The following SDK1 variants were observed in gnomAD, a reference collection of about 807,000 sequenced individuals.
SDK1 encodes sidekick cell adhesion molecule 1.
SDK1 carries 157 observed loss-of-function variants against 245.5 expected under a neutral mutation model. The ratio of observed to expected loss-of-function variants is 0.64; its 90% CI spans 0.56 to 0.73. The LOEUF is 0.73. Among genes scored for constraint, SDK1 ranks in the 30% least tolerant of loss-of-function variants. The pLI is 0.00. For missense variants in SDK1, 3,583 were observed against 3,002.3 expected (o/e 1.19, Z -4.52); for synonymous variants, 1,647 against 1,278.5 (o/e 1.29, Z -6.15).
In SDK1 at chr7:3,445,214, T is replaced by A. The variant is rs116009896; in HGVS notation, c.298+143330T>A. Reference sequence around the variant, plus strand: ...TCAAACAATATATTCTTTTAAGAATTCACATTTTAACACTTGGGTTTCAGC... The same window carrying A: ...TCAAACAATATATTCTTTTAAGAATACACATTTTAACACTTGGGTTTCAGC... On this transcript the variant is annotated intron_variant, in intron 1 of 44. Transcript: ENST00000404826. Among the ~76,000 whole-genome samples, 674 of 152,318 alleles carry A rather than the reference T, an allele frequency of 4.4e-3. 5 individuals are homozygous for A. Among genetic ancestry groups the A allele is most frequent in the African/African-American group, 0.015 (634 of 41,574 alleles).
chr7:3,537,257 G>T (rs372741561), intron 1 of SDK1, among the ~76,000 whole-genome samples: 3 of 152,142 alleles, frequency 2.0e-5, no homozygotes, highest in South Asian at 2.1e-4. Flanking sequence ...TTATCCATTT[G>T]ATCACTGCTT....
intron 5 of SDK1, among the ~76,000 whole-genome samples, chr7:3,914,296 C>T (rs1447023196): frequency 6.6e-6 from 1 of 152,162 alleles, no homozygotes; most frequent in African/African-American, 2.4e-5. Context: ...GGGTTCATGT[C>T]AAATCTTTTC....
intron 5 of SDK1, among the ~76,000 whole-genome samples, chr7:3,903,391 C>T (rs1479183983): frequency 6.6e-6 from 1 of 152,068 alleles, no homozygotes; most frequent in Non-Finnish European, 1.5e-5. Flanking sequence ...TGTGATCCGC[C>T]CACCTCGGCC....
At chr7:3,838,213 C>T (rs1329464056) in intron 5 of SDK1, among the ~76,000 whole-genome samples, 2 of 152,170 alleles carry the variant, frequency 1.3e-5, no homozygotes, top group East Asian at 1.9e-4. Flanking sequence ...CACAGCAATC[C>T]GGATTAATTC....
intron 1 of SDK1, among the ~76,000 whole-genome samples, chr7:3,421,233 A>G (rs1583832379): frequency 6.6e-6 from 1 of 151,610 alleles, no homozygotes; most frequent in East Asian, 2.0e-4. Context: ...CACCACGCCC[A>G]GCTAATTTTT....
Position 3,632,123 on chromosome 7 carries a change from C to T in SDK1, c.459-6881C>T, listed in dbSNP as rs1409862532. On this transcript the variant is annotated intron_variant, in intron 2 of 44. Coordinates refer to ENST00000404826, the MANE Select transcript of SDK1 (RefSeq NM_152744.4). ...TTTTATCCCTAAGAAAAGGCAATGT[C>T]CTCTTTCCTGAAGGTTTTCTGAAAT... Among the ~76,000 whole-genome samples, 12 of 152,252 alleles carry T rather than the reference C, an allele frequency of 7.9e-5. No homozygotes were observed. In the East Asian group the frequency reaches 2.3e-3, roughly 29 times the overall value.
chr7:3,744,042 C>T (rs190927813), intron 4 of SDK1, among the ~76,000 whole-genome samples: 575 of 152,286 alleles, frequency 3.8e-3, no homozygotes, highest in Non-Finnish European at 5.0e-3. Flanking sequence ...TACTGGATGT[C>T]TCAAGTCTTT....
At chr7:4,045,438 G>T (rs901142278) in intron 17 of SDK1, among the ~76,000 whole-genome samples, 3 of 151,696 alleles carry the variant, frequency 2.0e-5, no homozygotes, top group Non-Finnish European at 2.9e-5. Context: ...TAGGGACGGG[G>T]TCTCTCTGTG....
At chr7:3,791,556 C>T (rs1781090730) in intron 4 of SDK1, among the ~76,000 whole-genome samples, 1 of 152,128 alleles carries the variant, frequency 6.6e-6, no homozygotes, top group Non-Finnish European at 1.5e-5. Context: ...TGGTTGCTGC[C>T]TGGCCTTCAT....
intron 4 of SDK1, among the ~76,000 whole-genome samples, chr7:3,747,930 C>A (rs1779671866): frequency 6.6e-6 from 1 of 152,044 alleles, no homozygotes; most frequent in African/African-American, 2.4e-5. Flanking sequence ...TTAGGAAAAT[C>A]TAAGATTTTA....
chr7:3,950,629 G>A (rs1780769191), intron 5 of SDK1, among the ~76,000 whole-genome samples: 1 of 152,166 alleles, frequency 6.6e-6, no homozygotes, highest in African/African-American at 2.4e-5. Flanking sequence ...TCACAATGGG[G>A]TTATGTTCCA....
At chr7:3,889,834 G>A (rs1335093607) in intron 5 of SDK1, among the ~76,000 whole-genome samples, 2 of 152,274 alleles carry the variant, frequency 1.3e-5, no homozygotes, top group African/African-American at 2.4e-5. Flanking sequence ...GAAGGCGGAG[G>A]TTGTGTTTCA....
chr7:4,102,750 C>T (rs1782637120), intron 22 of SDK1, among the ~76,000 whole-genome samples: 2 of 152,088 alleles, frequency 1.3e-5, no homozygotes, highest in African/African-American at 4.8e-5. Context: ...CCTCCTGGCC[C>T]ACTGGCGCCA....
At chr7:4,225,594 C>T (rs1291515426) in intron 40 of SDK1, among the ~76,000 whole-genome samples, 1 of 152,234 alleles carries the variant, frequency 6.6e-6, no homozygotes, top group Non-Finnish European at 1.5e-5. Flanking sequence ...ACGAAGGGAA[C>T]AGGACGCCTG....
chr7:4,174,052 G>C (rs1782018737), intron 32 of SDK1, among the ~76,000 whole-genome samples, 170 bp from the exon 33 acceptor site: 1 of 152,208 alleles, frequency 6.6e-6, no homozygotes, highest in South Asian at 2.1e-4. Context: ...GCTTGGTGCT[G>C]TGCCCTGGGA....
chr7:3,841,669 C>T (rs1308366922), intron 5 of SDK1, among the ~76,000 whole-genome samples: 3 of 151,738 alleles, frequency 2.0e-5, no homozygotes, highest in African/African-American at 7.3e-5. Context: ...TGGGTTCAAG[C>T]GATTCTTCTC....
At chr7:3,874,923 G>A (rs977536206) in intron 5 of SDK1, among the ~76,000 whole-genome samples, 2 of 152,148 alleles carry the variant, frequency 1.3e-5, no homozygotes, top group East Asian at 3.9e-4. Flanking sequence ...CACCAAGTGG[G>A]GGAAGCTGTC....
chr7:3,706,917 T>C (rs1163336277), intron 4 of SDK1, among the ~76,000 whole-genome samples: 1 of 152,198 alleles, frequency 6.6e-6, no homozygotes, highest in Non-Finnish European at 1.5e-5. Context: ...TCTCTAGTTT[T>C]ATTACTAATT....
At chr7:3,794,895 A>G (rs1266778409) in intron 4 of SDK1, among the ~76,000 whole-genome samples, 1 of 151,936 alleles carries the variant, frequency 6.6e-6, no homozygotes, top group Non-Finnish European at 1.5e-5. Context: ...TTTGGACACT[A>G]AACTTGGCCT....
Sources: gnomAD v4.1 joint callset for allele counts (sites outside exome capture counted in the v4.1 genomes callset) on GRCh38, gnomAD v4.1.1 for gene constraint, MANE v1.5 for transcripts, NCBI Gene and HGNC (gene_info 2026-07-23, HGNC 2026-07-21) for gene names.